The following SRGAP3 variants were observed in gnomAD, a reference collection of about 807,000 sequenced individuals.
SRGAP3 encodes SLIT-ROBO Rho GTPase activating protein 3.
A neutral mutation model predicts 121.1 loss-of-function variants in SRGAP3; 39 were observed. The ratio of observed to expected loss-of-function variants is 0.32; its 90% confidence interval spans 0.25 to 0.42. The LOEUF (loss-of-function observed/expected upper bound fraction) is 0.42. SRGAP3 is among the 10% of genes least tolerant of loss of function. The pLI, the probability that SRGAP3 is intolerant of heterozygous loss-of-function variation, is 1.00. For missense variants in SRGAP3, 1,213 were observed against 1,470.6 expected (o/e 0.82, Z 2.86); for synonymous variants, 601 against 570.0 (o/e 1.05, Z -0.77).
intron 14 of SRGAP3, among the ~76,000 whole-genome samples, chr3:9,021,078 T>G (rs921352326): frequency 7.2e-5 from 11 of 152,172 alleles, no homozygotes; most frequent in Non-Finnish European, 5.9e-5. Flanking sequence ...TGGCCACAGG[T>G]CCTCGAGCCC....
At chr3:8,989,169 T>G (rs980432752) in intron 21 of SRGAP3, among the ~76,000 whole-genome samples, 9 of 152,256 alleles carry the variant, frequency 5.9e-5, no homozygotes, top group African/African-American at 2.2e-4. Flanking sequence ...CTGCATTTGA[T>G]TCTTTATAAA....
intron 1 of SRGAP3, among the ~76,000 whole-genome samples, chr3:9,227,472 T>C (rs1953031900): frequency 2.0e-5 from 3 of 152,116 alleles, no homozygotes; most frequent in Admixed American, 6.5e-5. Flanking sequence ...TGGGTGCCCA[T>C]TTGAAAGAGG....
intron 3 of SRGAP3, among the ~76,000 whole-genome samples, chr3:9,090,838 T>C (rs1381247893): frequency 1.3e-5 from 2 of 152,096 alleles, no homozygotes; most frequent in Admixed American, 6.6e-5. Context: ...GTTTTCACCA[T>C]GTTGGCCAGG....
chr3:9,061,111 A>T (rs1946151149), intron 5 of SRGAP3, among the ~76,000 whole-genome samples: 1 of 152,178 alleles, frequency 6.6e-6, no homozygotes, highest in African/African-American at 2.4e-5. Context: ...ATGCACCTAT[A>T]GTCCCAGCTA....
intron 1 of SRGAP3, among the ~76,000 whole-genome samples, chr3:9,222,718 A>G (rs557762400): frequency 1.3e-5 from 2 of 152,284 alleles, no homozygotes; most frequent in South Asian, 4.1e-4. Flanking sequence ...CACAAATATC[A>G]TGGTCGCACT....
chr3:9,198,071 T>C (rs1951964410), intron 1 of SRGAP3, among the ~76,000 whole-genome samples: 2 of 152,222 alleles, frequency 1.3e-5, no homozygotes, highest in South Asian at 4.1e-4. Context: ...TAAACTGTGT[T>C]ATCATACAGG....
intron 1 of SRGAP3, among the ~76,000 whole-genome samples, chr3:9,138,967 C>T (rs1164680341): frequency 6.6e-6 from 1 of 150,756 alleles, no homozygotes; most frequent in African/African-American, 2.5e-5. Flanking sequence ...GCTCATGCCT[C>T]ATCTTCAAGA....
intron 3 of SRGAP3, among the ~76,000 whole-genome samples, chr3:9,097,068 GCAGCCCCAAA>G (rs1948016709): frequency 6.7e-6 from 1 of 148,642 alleles, no homozygotes; most frequent in Non-Finnish European, 1.5e-5. Flanking sequence ...TTGGCGCACT[GCAGCCCCAAA>G]ATCCCAGGCT....
At chr3:9,276,807 T>C (rs1954591226) in intron 3 of SRGAP3, among the ~76,000 whole-genome samples, 1 of 152,186 alleles carries the variant, frequency 6.6e-6, no homozygotes, top group African/African-American at 2.4e-5. Context: ...TCTTCAACAC[T>C]AGTTCCACTG....
At chr3:9,047,617 C>T in intron 9 of SRGAP3, 142 bp from the exon 10 acceptor site, 1 of 785,934 alleles carries the variant, frequency 1.3e-6, no homozygotes, top group Non-Finnish European at 2.2e-6. Context: ...AACAGAGAGG[C>T]CTCTGCATCT....
intron 14 of SRGAP3, 34 bp from the exon 15 acceptor site, chr3:9,015,765 G>T: frequency 6.2e-7 from 1 of 1,613,450 alleles, no homozygotes. Flanking sequence ...TGATATTTCA[G>T]CTTGGGAAGG....
intron 2 of SRGAP3, among the ~76,000 whole-genome samples, chr3:9,114,097 C>T (rs987607710): frequency 3.9e-5 from 6 of 152,144 alleles, no homozygotes; most frequent in Non-Finnish European, 8.8e-5. Flanking sequence ...GCAGGCTTTG[C>T]TTATCAGTTG....
chr3:9,323,372 C>G lies in SRGAP3; in HGVS notation n.442+2638G>C, dbSNP rs538371076. On this transcript the variant is annotated intron_variant and non_coding_transcript_variant, in intron 3 of 3. Coordinates refer to the SRGAP3 transcript ENST00000490889. ...AGACTTCATGTAAATTTGGAAAATA[C>G]TGTGTTAAAGTGAAATAAGAATCTT... Among the ~76,000 whole-genome samples the G allele has an allele frequency of 2.6e-5, 4 of 152,082 alleles. No individual in the cohort carries two copies. The South Asian group carries it at 8.3e-4, about 32-fold the overall frequency.
At chr3:9,064,910 A>G (rs1292104430) in intron 4 of SRGAP3, among the ~76,000 whole-genome samples, 1 of 152,076 alleles carries the variant, frequency 6.6e-6, no homozygotes, top group Non-Finnish European at 1.5e-5. Context: ...TTAAAAGGGT[A>G]ACCGTAGCTC....
chr3:9,047,378 C>G lies in SRGAP3; in HGVS notation c.1408+13G>C, dbSNP rs766439614. The G allele has an allele frequency of 1.9e-6, 3 of 1,613,830 alleles. No homozygotes were observed. Among genetic ancestry groups the G allele is most frequent in the Non-Finnish European group, 2.5e-6 (3 of 1,179,852 alleles). ...CGCAGCACCTCCCAGAGGGCCTCCA[C>G]CAGCCCACTCACCTTCGCCCAGGGT... On this transcript the variant is annotated intron_variant, in intron 10 of 21. Coordinates refer to ENST00000383836, the MANE Select transcript of SRGAP3 (RefSeq NM_014850.4).
chr3:9,111,998 G>A (rs1164214528), intron 2 of SRGAP3, among the ~76,000 whole-genome samples: 1 of 152,198 alleles, frequency 6.6e-6, no homozygotes. Context: ...CTTTGGCTAG[G>A]GGATCTGGAT....
chr3:9,207,533 C>T (rs566667887), intron 1 of SRGAP3, among the ~76,000 whole-genome samples: 3 of 152,230 alleles, frequency 2.0e-5, no homozygotes, highest in Non-Finnish European at 4.4e-5. Context: ...GACTACCATA[C>T]AGGAAGTGTA....
intron 10 of SRGAP3, among the ~76,000 whole-genome samples, chr3:9,045,680 A>G (rs1418884986): frequency 1.3e-5 from 2 of 152,194 alleles, no homozygotes; most frequent in Admixed American, 1.3e-4. Context: ...TTATTCATCA[A>G]AGCTCCACTA....
At chr3:9,353,218 G>T (rs1015843029) in intron 1 of SRGAP3, among the ~76,000 whole-genome samples, 1 of 152,154 alleles carries the variant, frequency 6.6e-6, no homozygotes, top group African/African-American at 2.4e-5. Context: ...TGCTCTTTTC[G>T]TTCCTCTGAT....
Sources: gnomAD v4.1 joint callset for allele counts (sites outside exome capture counted in the v4.1 genomes callset) on GRCh38, gnomAD v4.1.1 for gene constraint, MANE v1.5 for transcripts, NCBI Gene and HGNC (gene_info 2026-07-23, HGNC 2026-07-21) for gene names.